Variants in DAPK1 observed in about 807,000 individuals in gnomAD.
DAPK1 encodes death associated protein kinase 1.
DAPK1 carries 56 observed loss-of-function variants against 144.9 expected under a neutral mutation model. The observed-to-expected ratio is 0.39, with a 90% CI of 0.31 to 0.48. DAPK1 has a LOEUF of 0.48. DAPK1 is among the 20% of genes least tolerant of loss of function. The pLI is 0.95. For missense variants in DAPK1, 1,454 were observed against 1,875.4 expected (o/e 0.78, Z 4.15); for synonymous variants, 690 against 749.0 (o/e 0.92, Z 1.29).
chr9:87,629,091 T>A (rs1294988645), intron 3 of DAPK1, among the ~76,000 whole-genome samples: 1 of 152,194 alleles, frequency 6.6e-6, no homozygotes, highest in Non-Finnish European at 1.5e-5. Context: ...TGATCTTCTT[T>A]GGAAAGAGAT....
At chr9:87,690,629 A>T (rs549068958) in intron 21 of DAPK1, among the ~76,000 whole-genome samples, 2 of 152,252 alleles carry the variant, frequency 1.3e-5, no homozygotes, top group South Asian at 4.1e-4. Flanking sequence ...TTCTCTATTC[A>T]GTATGATGTC....
At chr9:87,705,005 C>G (rs1347392228) in intron 25 of DAPK1, among the ~76,000 whole-genome samples, 1 of 151,790 alleles carries the variant, frequency 6.6e-6, no homozygotes, top group Admixed American at 6.6e-5. Context: ...TCCCCTTGGG[C>G]CATCATCTCT....
In DAPK1 at chr9:87,499,708, G is replaced by T. The variant is rs765175228; in HGVS notation, c.62+569G>T. On this transcript the variant is annotated intron_variant, in intron 2 of 25. Transcript: ENST00000408954. ...TGGTTGCTTTGGTTTCATTTACAAT[G>T]TTAAATTTTTAACAAATCAATGAGA... 5.9e-5 allele frequency among the ~76,000 whole-genome samples: 9 copies of T among 152,280 alleles called. 1 individual carries two copies. The Middle Eastern group carries it at 0.01, about 173-fold the overall frequency.
At chr9:87,498,394 C>T (rs570900531) in intron 1 of DAPK1, 6 of 344,100 alleles carry the variant, frequency 1.7e-5, no homozygotes, top group African/African-American at 1.3e-4. Flanking sequence ...CCTTCCCTCC[C>T]TTGCTCCCCC....
At chr9:87,675,854 C>T (rs1447343279) in intron 19 of DAPK1, among the ~76,000 whole-genome samples, 1 of 126,768 alleles carries the variant, frequency 7.9e-6, no homozygotes, top group Non-Finnish European at 1.8e-5. Flanking sequence ...ACCCTACACA[C>T]ACACACACAC....
At chr9:87,639,860 G>T (rs773704039) in intron 7 of DAPK1, 45 bp downstream of exon 7, 1 of 1,599,788 alleles carries the variant, frequency 6.3e-7, no homozygotes, top group East Asian at 2.2e-5. Context: ...TCTTCTATGA[G>T]ACCATAGGTT....
intron 19 of DAPK1, among the ~76,000 whole-genome samples, chr9:87,673,520 G>C (rs1473858881): frequency 6.6e-6 from 1 of 152,188 alleles, no homozygotes; most frequent in Non-Finnish European, 1.5e-5. Context: ...AGAGGGACTG[G>C]CTGTTTTGAT....
At chr9:87,622,313 C>T (rs1045433996) in intron 3 of DAPK1, among the ~76,000 whole-genome samples, 1 of 152,032 alleles carries the variant, frequency 6.6e-6, no homozygotes, top group Non-Finnish European at 1.5e-5. Context: ...GTAGGTGTGA[C>T]AACCTCCTAC....
At chr9:87,511,943 C>T (rs554633018) in intron 2 of DAPK1, among the ~76,000 whole-genome samples, 1 of 152,142 alleles carries the variant, frequency 6.6e-6, no homozygotes, top group Admixed American at 6.5e-5. Flanking sequence ...AACTCCTGAC[C>T]TTAGGTGATC....
At chr9:87,527,857 A>C (rs1825569000) in intron 2 of DAPK1, among the ~76,000 whole-genome samples, 1 of 152,256 alleles carries the variant, frequency 6.6e-6, no homozygotes, top group South Asian at 2.1e-4. Context: ...GAAAAATCCT[A>C]GGATGGGAAG....
chr9:87,666,577 G>C (rs796538204), intron 18 of DAPK1, among the ~76,000 whole-genome samples: 1 of 151,276 alleles, frequency 6.6e-6, no homozygotes, highest in African/African-American at 2.4e-5. Flanking sequence ...AGGTTCAAGC[G>C]ATTCTTATGT....
intron 3 of DAPK1, among the ~76,000 whole-genome samples, chr9:87,629,547 A>T (rs2119083899): frequency 6.6e-6 from 1 of 152,212 alleles, no homozygotes; most frequent in Non-Finnish European, 1.5e-5. Flanking sequence ...ATATGTTTTT[A>T]AAAATTTTAT....
chr9:87,535,901 G>A (rs943681865), intron 2 of DAPK1, among the ~76,000 whole-genome samples: 1 of 152,134 alleles, frequency 6.6e-6, no homozygotes. Context: ...GATTACATCT[G>A]GGTGCTTTTT....
intron 3 of DAPK1, among the ~76,000 whole-genome samples, chr9:87,633,898 A>G (rs1399090239): frequency 6.6e-6 from 1 of 152,106 alleles, no homozygotes; most frequent in African/African-American, 2.4e-5. Context: ...GTTTATTAAG[A>G]ACTATACTTA....
At chr9:87,595,824 G>A (rs2118908618) in intron 2 of DAPK1, among the ~76,000 whole-genome samples, 1 of 152,258 alleles carries the variant, frequency 6.6e-6, no homozygotes, top group East Asian at 1.9e-4. Context: ...GTGACGGACT[G>A]CTGTTTATCC....
chr9:87,567,143 G>A (rs1295374301), intron 2 of DAPK1, among the ~76,000 whole-genome samples: 1 of 152,210 alleles, frequency 6.6e-6, no homozygotes, highest in Non-Finnish European at 1.5e-5. Context: ...GGCACAGCAA[G>A]TGAAGGCAAA....
At chr9:87,589,974 G>A (rs1054327854) in intron 2 of DAPK1, among the ~76,000 whole-genome samples, 4 of 152,158 alleles carry the variant, frequency 2.6e-5, no homozygotes, top group African/African-American at 9.7e-5. Context: ...ATCTATATCC[G>A]TTTCCATTCT....
intron 2 of DAPK1, among the ~76,000 whole-genome samples, chr9:87,510,232 C>T (rs936417190): frequency 6.6e-6 from 1 of 152,052 alleles, no homozygotes; most frequent in African/African-American, 2.4e-5. Context: ...GCCTCGTGGC[C>T]ATGGAGAAGC....
chr9:87,581,668 G>A (rs1294501850), intron 2 of DAPK1, among the ~76,000 whole-genome samples: 4 of 152,146 alleles, frequency 2.6e-5, no homozygotes, highest in Non-Finnish European at 4.4e-5. Flanking sequence ...AAGATAAGCT[G>A]TTCTGGGTCA....
Sources: gnomAD v4.1 joint callset for allele counts (sites outside exome capture counted in the v4.1 genomes callset) on GRCh38, gnomAD v4.1.1 for gene constraint, MANE v1.5 for transcripts, NCBI Gene and HGNC (gene_info 2026-07-23, HGNC 2026-07-21) for gene names.